The following SNX4 variants were observed in gnomAD, a reference collection of about 807,000 sequenced individuals.
SNX4 encodes sorting nexin-4.
Under a neutral mutation model 70.8 loss-of-function variants are expected in SNX4, and 49 were observed. The observed-to-expected ratio is 0.69, with a 90% CI of 0.55 to 0.88. The LOEUF (loss-of-function observed/expected upper bound fraction) is 0.88, where lower values mean the gene tolerates loss of function less well. SNX4 is among the 40% of genes least tolerant of loss of function. The pLI is 0.00. For missense variants in SNX4, 528 were observed against 544.8 expected, an observed-to-expected ratio of 0.97 and a Z score of 0.31; for synonymous variants, 206 against 183.8, an observed-to-expected ratio of 1.12 and a Z score of -0.98.
At chr3:125,517,970 C>T (rs376887031) in intron 1 of SNX4, among the ~76,000 whole-genome samples, 1 of 151,720 alleles carries the variant, frequency 6.6e-6, no homozygotes, top group East Asian at 1.9e-4. Context: ...GGTCAAGAGA[C>T]TGCTCAAAAA....
At chr3:125,502,660 G>C (rs1311938060) in intron 2 of SNX4, among the ~76,000 whole-genome samples, 1 of 151,774 alleles carries the variant, frequency 6.6e-6, no homozygotes, top group African/African-American at 2.4e-5. Flanking sequence ...CACGAGGTCA[G>C]AAATTCGAGA....
chr3:125,517,600 G>A (rs1032791319), intron 1 of SNX4, among the ~76,000 whole-genome samples: 13 of 152,216 alleles, frequency 8.5e-5, no homozygotes, highest in African/African-American at 3.1e-4. Context: ...ATGTATGTTT[G>A]TTTAAACACC....
chr3:125,504,549 C>CA, intron 2 of SNX4, 74 bp downstream of exon 2: 1 of 1,368,052 alleles, frequency 7.3e-7, no homozygotes, highest in Non-Finnish European at 1.0e-6. Context: ...TTCTGTTATA[C>CA]AGCAGAGTCT....
Position 125,453,803 on chromosome 3 carries a change from TC to T in SNX4, c.1190+6del, listed in dbSNP as rs1202942402. ...CCTAGCTTACTTAAACATCGCAGCA[TC>T]TTTACCTGCCTTCCAGATTTTTAGA... On this transcript the variant is annotated splice_donor_region_variant and intron_variant, in intron 12 of 13. Coordinates refer to ENST00000251775, the MANE Select transcript of SNX4 (RefSeq NM_003794.4). 3 of 1,613,548 alleles carry T rather than the reference TC, an allele frequency of 1.9e-6. No homozygotes were observed. Among genetic ancestry groups the T allele is most frequent in the African/African-American group, 2.7e-5 (2 of 74,910 alleles).
At chr3:125,510,234 ATTTTTTT>A (rs879755383) in intron 1 of SNX4, among the ~76,000 whole-genome samples, 6 of 143,826 alleles carry the variant, frequency 4.2e-5, no homozygotes, top group Non-Finnish European at 6.1e-5. Context: ...AGATGAATGG[ATTTTTTT>A]TTTTTTTTTG....
chr3:125,506,531 C>T (rs553933203), intron 1 of SNX4, among the ~76,000 whole-genome samples: 163 of 138,718 alleles, frequency 1.2e-3, no homozygotes, highest in African/African-American at 4.1e-3. Flanking sequence ...TTTTCTGAGA[C>T]AGTCTTGCTC....
intron 11 of SNX4, among the ~76,000 whole-genome samples, chr3:125,456,981 A>T (rs529228437): frequency 3.1e-4 from 47 of 150,922 alleles, no homozygotes; most frequent in Middle Eastern, 6.9e-3. Context: ...TTTTTTTTTT[A>T]AAACGAAACC....
At chr3:125,516,555 G>A (rs549654249) in intron 1 of SNX4, among the ~76,000 whole-genome samples, 6 of 152,192 alleles carry the variant, frequency 3.9e-5, no homozygotes, top group African/African-American at 1.4e-4. Context: ...CAAAAATAAG[G>A]CTGGGCCGGG....
intron 1 of SNX4, among the ~76,000 whole-genome samples, chr3:125,518,075 T>TA (rs1309915920): frequency 2.0e-5 from 3 of 152,202 alleles, no homozygotes; most frequent in African/African-American, 7.2e-5. Context: ...TACATATACA[T>TA]AGTGTTCTTT....
At chr3:125,477,449 T>C (rs1466067945) in intron 7 of SNX4, among the ~76,000 whole-genome samples, 6 of 152,192 alleles carry the variant, frequency 3.9e-5, no homozygotes, top group African/African-American at 1.4e-4. Flanking sequence ...CTCAATATGG[T>C]AATTAATTTG....
intron 8 of SNX4, among the ~76,000 whole-genome samples, chr3:125,473,223 G>A (rs182512173): frequency 1.1e-3 from 174 of 152,122 alleles, no homozygotes; most frequent in African/African-American, 4.0e-3. Context: ...GGTGTCTACT[G>A]TTGCCATCTT....
intron 11 of SNX4, among the ~76,000 whole-genome samples, chr3:125,456,966 A>AT (rs34007570): frequency 6.7e-4 from 100 of 149,092 alleles, no homozygotes; most frequent in African/African-American, 1.4e-3. Context: ...CAGCCCAATA[A>AT]TTTTTTTTTT....
chr3:125,513,186 G>C (rs1303081928), intron 1 of SNX4, among the ~76,000 whole-genome samples: 1 of 152,158 alleles, frequency 6.6e-6, no homozygotes, highest in Non-Finnish European at 1.5e-5. Context: ...TTAGTGCCCT[G>C]ATAAAAGAGA....
At chr3:125,507,171 G>A (rs1935064400) in intron 1 of SNX4, among the ~76,000 whole-genome samples, 1 of 138,672 alleles carries the variant, frequency 7.2e-6, no homozygotes, top group Non-Finnish European at 1.5e-5. Context: ...CCACGCCACT[G>A]CACTCCAGCC....
At chr3:125,461,028 C>T (rs1225667491) in intron 9 of SNX4, among the ~76,000 whole-genome samples, 168 bp from the exon 10 acceptor site, 1 of 152,142 alleles carries the variant, frequency 6.6e-6, no homozygotes, top group Non-Finnish European at 1.5e-5. Flanking sequence ...GAGTTCGAGA[C>T]CAGCCTGGCC....
chr3:125,473,160 AGTTT>A (rs1934216158), intron 8 of SNX4, among the ~76,000 whole-genome samples: 3 of 152,124 alleles, frequency 2.0e-5, no homozygotes, highest in South Asian at 4.1e-4. Context: ...CCCAATAGTT[AGTTT>A]GTCAACCCTT....
chr3:125,509,512 G>C lies in SNX4; in HGVS notation c.142-4768C>G, dbSNP rs528812554. Reference sequence around the variant, plus strand: ...CACGCCTGTAATCCTAGCACTTTGGGAGGCCAAGGCGGGTGGATCACCTGA... The same window carrying C: ...CACGCCTGTAATCCTAGCACTTTGGCAGGCCAAGGCGGGTGGATCACCTGA... On this transcript the variant is annotated intron_variant, in intron 1 of 13. Transcript: ENST00000251775. Among the ~76,000 whole-genome samples the C allele has an allele frequency of 2.6e-5, 4 of 152,134 alleles. No individual in the cohort carries two copies. In the East Asian group the frequency reaches 7.7e-4, roughly 29 times the overall value.
intron 6 of SNX4, among the ~76,000 whole-genome samples, chr3:125,486,074 C>T (rs9810616): frequency 0.28 from 42,978 of 151,958 alleles, 6,158 homozygotes; most frequent in Admixed American, 0.34. Flanking sequence ...CTCCTGACCT[C>T]GTGATCCACC....
intron 1 of SNX4, 34 bp from the exon 2 acceptor site, chr3:125,504,778 A>G: frequency 6.2e-7 from 1 of 1,604,198 alleles, no homozygotes; most frequent in Middle Eastern, 1.9e-4. Context: ...CAACAACAAC[A>G]AAAACCTTTA....
Sources: allele counts gnomAD v4.1 joint callset (sites outside exome capture counted in the v4.1 genomes callset), GRCh38; gene constraint gnomAD v4.1.1; transcripts MANE v1.5; gene names NCBI Gene and HGNC (gene_info 2026-07-23, HGNC 2026-07-21).